RASA3: variants seen among roughly 807,000 people sequenced by gnomAD.
RASA3 encodes ras GTPase-activating protein 3.
RASA3 carries 73 observed loss-of-function variants against 110.0 expected under a neutral mutation model. The ratio of observed to expected loss-of-function variants is 0.66; its 90% CI spans 0.55 to 0.81. RASA3 has a LOEUF of 0.81. Among genes scored for constraint, RASA3 ranks in the 30% least tolerant of loss-of-function variants. The probability of loss-of-function intolerance (pLI) is 0.00; values close to 1 mark genes in which losing one functional copy is unlikely to be tolerated. For missense variants in RASA3, 976 were observed against 1,113.2 expected (o/e 0.88, Z 1.75); for synonymous variants, 500 against 451.4 (o/e 1.11, Z -1.37).
At chr13:114,055,531 C>T (rs184880638) in intron 2 of RASA3, among the ~76,000 whole-genome samples, 2 of 152,340 alleles carry the variant, frequency 1.3e-5, no homozygotes, top group African/African-American at 2.4e-5. Flanking sequence ...TTAATATTCA[C>T]GACAAGGCCT....
At chr13:114,041,533 G>C (rs2054406989) in intron 3 of RASA3, among the ~76,000 whole-genome samples, 1 of 152,252 alleles carries the variant, frequency 6.6e-6, no homozygotes, top group East Asian at 1.9e-4. Context: ...CACAGCAGGA[G>C]GTGCCTCGGA....
chr13:114,081,775 G>A (rs1337639918), intron 1 of RASA3, among the ~76,000 whole-genome samples: 1 of 152,166 alleles, frequency 6.6e-6, no homozygotes, highest in Non-Finnish European at 1.5e-5. Flanking sequence ...AGGCAAAGGT[G>A]GGCTGAAATG....
At chr13:114,089,094 C>G (rs1261443100) in intron 1 of RASA3, among the ~76,000 whole-genome samples, 1 of 152,068 alleles carries the variant, frequency 6.6e-6, no homozygotes, top group Non-Finnish European at 1.5e-5. Context: ...AGCCTCCCAG[C>G]AGGGCTCTGT....
At chr13:113,995,648 G>T (rs562038259) in intron 21 of RASA3, among the ~76,000 whole-genome samples, 17 of 138,860 alleles carry the variant, frequency 1.2e-4, no homozygotes, top group African/African-American at 4.4e-4. Context: ...CCCAGCTGAC[G>T]GGGGGCCCAG....
At position 114,027,831 on chromosome 13, in the gene RASA3, G is replaced by A. The variant is rs1212368400; in HGVS notation, c.530+16C>T. ...CCCAGGACCAGAACAGAAACCTGAAGCGTGAGGCAACTTGCCTGAAGGGTC... is the reference window on the plus strand; with the variant it reads ...CCCAGGACCAGAACAGAAACCTGAAACGTGAGGCAACTTGCCTGAAGGGTC... On this transcript the variant is annotated intron_variant, in intron 6 of 23. Transcript: ENST00000334062. 7 of 1,611,938 alleles carry A rather than the reference G, an allele frequency of 4.3e-6. No individual in the cohort carries two copies. Among genetic ancestry groups the A allele is most frequent in the Non-Finnish European group, 5.9e-6 (7 of 1,178,304 alleles).
At chr13:114,102,933 C>T (rs923504574) in intron 1 of RASA3, among the ~76,000 whole-genome samples, 3 of 151,792 alleles carry the variant, frequency 2.0e-5, no homozygotes, top group Non-Finnish European at 4.4e-5. Flanking sequence ...CTGAGTCCAG[C>T]CCCAGGCAGG....
chr13:113,983,244 C>G (rs946668032), intron 22 of RASA3, among the ~76,000 whole-genome samples: 3 of 120,530 alleles, frequency 2.5e-5, no homozygotes, highest in African/African-American at 8.8e-5. Context: ...GCATGGGTGG[C>G]AAGGCTGTTC....
rs1389190914 is a variant in RASA3 at position 114,018,782 on chromosome 13, A to G, written c.923T>C (p.Leu308Ser). The stretch of plus-strand genomic sequence containing the variant: ...AAGCACCTCCACATCCGCAGACTTC[A>G]ACAGCAGGTCCCGCAGAGGGCTGTA... ...DYYSPLRDLL[L>S]KSADVEPVSA... The change falls in exon 10 of 24, where the codon TTG (leucine) becomes TCG (serine). Residue 308 changes from leucine (L) to serine (S), a missense_variant. Physicochemically the swap from Leu to Ser is moderately radical, Grantham distance 145. This residue lies in a region of RASA3 where 732 missense variants were observed against 779.7 expected (regional missense o/e 0.94). Transcript: ENST00000334062. 6.2e-7 allele frequency: 1 copy of G among 1,613,460 alleles called. No homozygotes were observed. Among genetic ancestry groups the G allele is most frequent in the Non-Finnish European group, 8.5e-7 (1 of 1,179,928 alleles).
chr13:114,089,684 CTTGA>C (rs1191995532), intron 1 of RASA3, among the ~76,000 whole-genome samples: 2 of 152,204 alleles, frequency 1.3e-5, no homozygotes, highest in East Asian at 1.9e-4. Flanking sequence ...GTGTGGGTGT[CTTGA>C]TTGACACCAC....
chr13:114,057,295 G>GGCCA lies in RASA3; in HGVS notation c.174-5144_174-5141dup, dbSNP rs2079262017. 1 of 985,258 alleles carries GGCCA rather than the reference G, an allele frequency of 1.0e-6. No individual in the cohort carries two copies. The highest frequency in any genetic ancestry group is 1.2e-6 in the Non-Finnish European group (1 of 829,932). The allele number at this position is 985,258 out of a possible 1,614,324, so 61.0% of individuals were successfully genotyped here. On this transcript the variant is annotated intron_variant, in intron 2 of 23. Coordinates refer to ENST00000334062, the MANE Select transcript of RASA3 (RefSeq NM_007368.4). The surrounding 1 kb of genome is among the most constrained non-coding windows in gnomAD (Gnocchi z 5.0). ...CCAGGCAGGACATCTGCAGGCGGCCGGCCAGCCTTATCAACGGAGCTCTGA... is the reference window on the plus strand; with the variant it reads ...CCAGGCAGGACATCTGCAGGCGGCCGGCCAGCCAGCCTTATCAACGGAGCTCTGA...
chr13:114,063,399 T>C (rs1233525175), intron 2 of RASA3, among the ~76,000 whole-genome samples: 1 of 146,214 alleles, frequency 6.8e-6, no homozygotes, highest in Non-Finnish European at 1.5e-5. Context: ...AGTATATTCA[T>C]ACTATAATGA....
Position 114,021,506 on chromosome 13 carries a change from ACT to A in RASA3, c.681_682del (p.Arg227SerfsTer2). 6.2e-7 allele frequency: 1 copy of A among 1,613,304 alleles called. No individual in the cohort carries two copies. The highest frequency in any genetic ancestry group is 8.5e-7 in the Non-Finnish European group (1 of 1,179,544). ...CAGGTTACTGGCATTCCAGAGGTCA[ACT>A]CTGAAAAACAGCATCAGGACAGCTC... On this transcript the variant is annotated frameshift_variant and splice_region_variant, in exon 9 of 24. Transcript: ENST00000334062. LOFTEE classifies it high-confidence loss of function.
chr13:114,005,762 C>G (rs1405542038), intron 18 of RASA3, among the ~76,000 whole-genome samples: 1 of 141,532 alleles, frequency 7.1e-6, no homozygotes, highest in Non-Finnish European at 1.5e-5. Context: ...CTGCCGGATG[C>G]CACCTTACCC....
Position 114,056,582 on chromosome 13 carries a change from G to T in RASA3, c.174-4427C>A. 1 of 985,266 alleles carries T rather than the reference G, an allele frequency of 1.0e-6. No homozygotes were observed. The highest frequency in any genetic ancestry group is 5.2e-4 in the Middle Eastern group (1 of 1,914). 61.0% of individuals were successfully genotyped at this position (985,266 alleles called of 1,614,324 possible). A position where few individuals can be genotyped will look rare whatever the true frequency, so the allele number is the denominator to read the frequency against. ...TCTCTCTGTAACTCTGCTTGGCAGT[G>T]GGGGGCTCGGTGGGGGGAGGCCCGT... is the stretch of plus-strand genomic sequence containing the variant. On this transcript the variant is annotated intron_variant, in intron 2 of 23. Transcript: ENST00000334062. This position sits in a 1 kb window ranked among gnomAD's most constrained non-coding sequence, Gnocchi z 5.7.
Position 114,064,259 on chromosome 13 carries a change from G to A in RASA3, c.173+9461C>T, listed in dbSNP as rs186558572. On this transcript the variant is annotated intron_variant, in intron 2 of 23. Transcript: ENST00000334062. ...ACGTCCACCTCGATCACGTCACCTC[G>A]TGGGCAGAATGGCCTACGCCCCATG... 4.6e-5 allele frequency among the ~76,000 whole-genome samples: 7 copies of A among 152,312 alleles called. No homozygotes were observed. The East Asian group carries it at 5.8e-4, about 13-fold the overall frequency.
intron 21 of RASA3, among the ~76,000 whole-genome samples, chr13:113,993,279 G>A (rs866553509): frequency 3.9e-5 from 6 of 152,040 alleles, no homozygotes; most frequent in Admixed American, 1.3e-4. Flanking sequence ...GGGTTTAAGC[G>A]ATTCTCTTGC....
intron 4 of RASA3, among the ~76,000 whole-genome samples, chr13:114,035,075 C>G (rs9525342): frequency 0.13 from 20,356 of 151,576 alleles, 1,764 homozygotes; most frequent in Middle Eastern, 0.21. Flanking sequence ...GATCTGAACG[C>G]TGACCTGAGC....
intron 23 of RASA3, among the ~76,000 whole-genome samples, chr13:113,980,127 CTGTGTGTACCTCCTGCCA>C (rs1566436511): frequency 6.8e-6 from 1 of 146,022 alleles, no homozygotes; most frequent in East Asian, 2.1e-4. Flanking sequence ...TGCACCTCCT[CTGTGTGTACCTCCTGCCA>C]CGTGTGTGCA....
intron 16 of RASA3, among the ~76,000 whole-genome samples, chr13:114,010,830 A>AGGGGGCCGCGAGGGGAGGAGGGG (rs1459535023): frequency 6.7e-6 from 1 of 149,120 alleles, no homozygotes; most frequent in Non-Finnish European, 1.5e-5. Context: ...CGTGACGAGG[A>AGGGGGCCGCGAGGGGAGGAGGGG]GCCTCCAGCA....
Sources: allele counts gnomAD v4.1 joint callset (sites outside exome capture counted in the v4.1 genomes callset), GRCh38; gene constraint gnomAD v4.1.1; regional missense constraint gnomAD v4.1.1; non-coding constraint Gnocchi (gnomAD v3.1); transcripts MANE v1.5; gene names NCBI Gene and HGNC (gene_info 2026-07-23, HGNC 2026-07-21).